Variants in FMNL3 observed in about 807,000 individuals in gnomAD.
FMNL3 encodes formin like 3, also known as formin-like protein 3.
FMNL3 carries 57 observed loss-of-function variants against 119.6 expected under a neutral mutation model. The ratio of observed to expected loss-of-function variants is 0.48; its 90% confidence interval spans 0.39 to 0.59. The LOEUF (loss-of-function observed/expected upper bound fraction) is 0.59. Ranked by LOEUF, FMNL3 falls within the 20% of genes least tolerant of loss-of-function variation. The probability of loss-of-function intolerance (pLI) is 0.00; values close to 1 mark genes in which losing one functional copy is unlikely to be tolerated. For missense variants in FMNL3, 1,053 were observed against 1,323.5 expected (o/e 0.80, Z 3.17); for synonymous variants, 491 against 507.3 (o/e 0.97, Z 0.43).
At chr12:49,646,049 AGTTGGGGAAATTGCTG>A (rs1943169937) in intron 25 of FMNL3, 146 bp from the exon 26 acceptor site, 1 of 649,372 alleles carries the variant, frequency 1.5e-6, no homozygotes, top group Non-Finnish European at 2.6e-6. Flanking sequence ...AGGGGTACCC[AGTTGGGGAAATTGCTG>A]GTTGGGGAGA....
intron 1 of FMNL3, among the ~76,000 whole-genome samples, chr12:49,703,331 A>G (rs150548320): frequency 1.3e-5 from 2 of 152,264 alleles, no homozygotes; most frequent in African/African-American, 4.8e-5. Context: ...TTGGACCAAA[A>G]CACACTGGGA....
intron 1 of FMNL3, among the ~76,000 whole-genome samples, chr12:49,678,636 T>C (rs1944258159): frequency 6.6e-6 from 1 of 152,088 alleles, no homozygotes; most frequent in African/African-American, 2.4e-5. Flanking sequence ...TTAATTTTTG[T>C]ATTTTTAGTA....
At chr12:49,700,480 C>T (rs539725379) in intron 1 of FMNL3, among the ~76,000 whole-genome samples, 1 of 150,960 alleles carries the variant, frequency 6.6e-6, no homozygotes, top group Non-Finnish European at 1.5e-5. Context: ...TTTGGGAGGC[C>T]GAGGCAGGTG....
At chr12:49,679,349 A>G (rs375277266) in intron 1 of FMNL3, among the ~76,000 whole-genome samples, 13 of 151,942 alleles carry the variant, frequency 8.6e-5, no homozygotes, top group African/African-American at 2.9e-4. Context: ...GCACCTTTCC[A>G]AATTGTATGC....
At position 49,636,570 on chromosome 12, in the gene FMNL3, C is replaced by T. The variant is rs1387851898; in HGVS notation, c.*9245G>A. 4.1e-6 allele frequency: 4 copies of T among 985,120 alleles called. No homozygotes were observed. The South Asian group carries it at 6.4e-5, about 16-fold the overall frequency. The allele number at this position is 985,120 out of a possible 1,614,324, so 61.0% of individuals were successfully genotyped here. A position where few individuals can be genotyped will look rare whatever the true frequency, so the allele number is the denominator to read the frequency against. ...AGAACTACCATTGCAGTGGCTGCTC[C>T]CACAGAGCCCCCTCCAGGCCCTTCC... On this transcript the variant is annotated 3_prime_UTR_variant, in exon 26 of 26. Coordinates refer to ENST00000335154, the MANE Select transcript of FMNL3 (RefSeq NM_175736.5).
chr12:49,645,908 G>A lies in FMNL3; in HGVS notation c.2996-5C>T, dbSNP rs1208852398. 28 of 1,611,386 alleles carry A rather than the reference G, an allele frequency of 1.7e-5. No homozygotes were observed. The highest frequency in any genetic ancestry group is 1.0e-4 in the Admixed American group (6 of 59,718). ...CCATAGGCTGGCAGTGGAGGCCTGT[G>A]GGGGAAGAGAGAGACCTGTGAACAG... On this transcript the variant is annotated splice_polypyrimidine_tract_variant and splice_region_variant and intron_variant, in intron 25 of 25. Transcript: ENST00000335154.
At chr12:49,652,743 T>C (rs181687852) in intron 13 of FMNL3, among the ~76,000 whole-genome samples, 377 of 152,166 alleles carry the variant, frequency 2.5e-3, no homozygotes, top group Non-Finnish European at 3.6e-3. Context: ...AAAGAGAAAG[T>C]AGGATGGGGG....
Position 49,679,519 on chromosome 12 carries a change from CTTTT to C in FMNL3, c.127-10969_127-10966del, listed in dbSNP as rs551320921. On this transcript the variant is annotated intron_variant, in intron 1 of 25. Coordinates refer to ENST00000335154, the MANE Select transcript of FMNL3 (RefSeq NM_175736.5). ...ATCATTCTTGGAACAGCATTTGTGT[CTTTT>C]TTTTTTTTTTTTTTTTTTTTTGAGA... Among the ~76,000 whole-genome samples, 221 of 90,634 alleles carry C rather than the reference CTTTT, an allele frequency of 2.4e-3. 1 individual carries two copies. The highest frequency in any genetic ancestry group is 9.9e-3 in the African/African-American group (212 of 21,434). The allele number at this position is 90,634 out of a possible 152,430, so 59.5% of individuals were successfully genotyped here. A position where few individuals can be genotyped will look rare whatever the true frequency, so the allele number is the denominator to read the frequency against.
At position 49,642,001 on chromosome 12, in the gene FMNL3, A is replaced by G. The variant is rs371483209; in HGVS notation, c.*3814T>C. The G allele has an allele frequency of 6.0e-5, 97 of 1,613,376 alleles. No homozygotes were observed. Among genetic ancestry groups the G allele is most frequent in the Non-Finnish European group, 8.1e-5 (95 of 1,180,032 alleles). On this transcript the variant is annotated 3_prime_UTR_variant, in exon 26 of 26. Transcript: ENST00000335154. The surrounding 1 kb of genome is among the most constrained non-coding windows in gnomAD (Gnocchi z 5.8). ...GAGGGCTGCCGCACTGGACGCAGGC[A>G]ACATCAAGCTGACCTTCAATAGTGT...
chr12:49,694,147 T>C (rs1944689337), intron 1 of FMNL3, among the ~76,000 whole-genome samples: 1 of 152,028 alleles, frequency 6.6e-6, no homozygotes, highest in Non-Finnish European at 1.5e-5. Flanking sequence ...CTCGAACTCC[T>C]GGCCTCAAGT....
rs1453523027 is a variant in FMNL3 at position 49,640,798 on chromosome 12, G to A, written c.*5017C>T. ...TTTTGAAACAATGGAAAAGAGCAGA[G>A]GTAGTTAGCTTGATGAAGGGGAGAG... On this transcript the variant is annotated 3_prime_UTR_variant, in exon 26 of 26. Coordinates refer to ENST00000335154, the MANE Select transcript of FMNL3 (RefSeq NM_175736.5). The A allele has an allele frequency of 5.3e-5, 8 of 152,248 alleles. No individual in the cohort carries two copies. The highest frequency in any genetic ancestry group is 5.2e-4 in the Admixed American group (8 of 15,286). The allele number at this position is 152,248 out of a possible 1,614,324, so 9.4% of individuals were successfully genotyped here. A position where few individuals can be genotyped will look rare whatever the true frequency, so the allele number is the denominator to read the frequency against.
intron 2 of FMNL3, among the ~76,000 whole-genome samples, chr12:49,666,864 G>C (rs192657830): frequency 3.3e-5 from 5 of 152,102 alleles, no homozygotes; most frequent in Non-Finnish European, 7.4e-5. Context: ...AATGGATATG[G>C]GTTAGGAAGG....
chr12:49,681,754 C>T (rs1158501602), intron 1 of FMNL3, among the ~76,000 whole-genome samples: 8 of 150,158 alleles, frequency 5.3e-5, no homozygotes, highest in African/African-American at 1.7e-4. Context: ...GACAGGGCCT[C>T]GCTATGTTGC....
In FMNL3 at chr12:49,636,922, C is replaced by T; in HGVS notation, c.*8893G>A. ...CACAACCTCTTCACCCATTCCCTGC[C>T]CCCTTCTGGATACGCTGCCTGTTCT... On this transcript the variant is annotated 3_prime_UTR_variant, in exon 26 of 26. Coordinates refer to ENST00000335154, the MANE Select transcript of FMNL3 (RefSeq NM_175736.5). The T allele has an allele frequency of 1.2e-6, 2 of 1,601,332 alleles. No homozygotes were observed. Among genetic ancestry groups the T allele is most frequent in the South Asian group, 2.2e-5 (2 of 90,474 alleles).
At chr12:49,646,009 C>A in intron 25 of FMNL3, 106 bp from the exon 26 acceptor site, 1 of 902,904 alleles carries the variant, frequency 1.1e-6, no homozygotes, top group Non-Finnish European at 1.7e-6. Flanking sequence ...AGCAGTGAGG[C>A]AGATAAACAG....
At position 49,652,369 on chromosome 12, in the gene FMNL3, G is replaced by A. The variant is rs536615953; in HGVS notation, c.1324-157C>T. 25 of 1,380,442 alleles carry A rather than the reference G, an allele frequency of 1.8e-5. No individual in the cohort carries two copies. The African/African-American group carries it at 1.9e-4, about 10-fold the overall frequency. 85.5% of individuals were successfully genotyped at this position (1,380,442 alleles called of 1,614,324 possible). A position where few individuals can be genotyped will look rare whatever the true frequency, so the allele number is the denominator to read the frequency against. On this transcript the variant is annotated intron_variant, in intron 13 of 25. Transcript: ENST00000335154. ...GAAACCCAGGTGGGGGAATGAGGAA[G>A]CTGGAAGGCAGCAAAACAAAAGAGG...
chr12:49,643,668 A>C lies in FMNL3; in HGVS notation c.*2147T>G. On this transcript the variant is annotated 3_prime_UTR_variant, in exon 26 of 26. Coordinates refer to ENST00000335154, the MANE Select transcript of FMNL3 (RefSeq NM_175736.5). Reference sequence around the variant, plus strand: ...GCCTGTCTTTCTCCTGTTGGGACTTAGTAGGGATTTTTCTATCTCTAGATC... The same window carrying C: ...GCCTGTCTTTCTCCTGTTGGGACTTCGTAGGGATTTTTCTATCTCTAGATC... 6.2e-7 allele frequency: 1 copy of C among 1,610,194 alleles called. No homozygotes were observed. The highest frequency in any genetic ancestry group is 8.5e-7 in the Non-Finnish European group (1 of 1,178,268).
chr12:49,642,887 A>C lies in FMNL3; in HGVS notation c.*2928T>G. Reference sequence around the variant, plus strand: ...AGGAAGTAGGATCCTTCCTGGGGCTAAGTCTGGTGCTGTCCTCACCCTTCT... The same window carrying C: ...AGGAAGTAGGATCCTTCCTGGGGCTCAGTCTGGTGCTGTCCTCACCCTTCT... On this transcript the variant is annotated 3_prime_UTR_variant, in exon 26 of 26. Coordinates refer to ENST00000335154, the MANE Select transcript of FMNL3 (RefSeq NM_175736.5). The surrounding 1 kb of genome is among the most constrained non-coding windows in gnomAD (Gnocchi z 5.8). The C allele has an allele frequency of 6.3e-7, 1 of 1,579,614 alleles. No homozygotes were observed. The highest frequency in any genetic ancestry group is 8.6e-7 in the Non-Finnish European group (1 of 1,158,538).
chr12:49,647,252 G>T lies in FMNL3; in HGVS notation c.2871+24C>A. The T allele has an allele frequency of 1.2e-6, 2 of 1,613,074 alleles. No individual in the cohort carries two copies. The highest frequency in any genetic ancestry group is 1.7e-6 in the Non-Finnish European group (2 of 1,179,272). The stretch of plus-strand genomic sequence containing the variant: ...ACTCTTTTGCCTTGTCGTCCTCCAG[G>T]CCCCAGCTCTTGGTCCCACCCACCT... On this transcript the variant is annotated intron_variant, in intron 24 of 25. Transcript: ENST00000335154. This position sits in a 1 kb window ranked among gnomAD's most constrained non-coding sequence, Gnocchi z 4.9.
Sources: allele counts gnomAD v4.1 joint callset (sites outside exome capture counted in the v4.1 genomes callset), GRCh38; gene constraint gnomAD v4.1.1; non-coding constraint Gnocchi (gnomAD v3.1); transcripts MANE v1.5; gene names NCBI Gene and HGNC (gene_info 2026-07-23, HGNC 2026-07-21).